SLC25A40: variants seen among roughly 807,000 people sequenced by gnomAD.
SLC25A40 encodes solute carrier family 25 member 40, also known as mitochondrial glutathione transporter SLC25A40.
A neutral mutation model predicts 46.5 loss-of-function variants in SLC25A40; 41 were observed. The ratio of observed to expected loss-of-function variants is 0.88; its 90% CI spans 0.69 to 1.14. The LOEUF (loss-of-function observed/expected upper bound fraction) is 1.14, where lower values mean the gene tolerates loss of function less well. SLC25A40 is among the 50% of genes most tolerant of loss of function. The pLI, the probability that SLC25A40 is intolerant of heterozygous loss-of-function variation, is 0.00. For synonymous variants in SLC25A40, 126 were observed against 127.5 expected, an observed-to-expected ratio of 0.99 and a Z score of 0.08; for missense variants, 386 against 393.6, an observed-to-expected ratio of 0.98 and a Z score of 0.16.
rs967662503 is a variant in SLC25A40 at position 87,835,299 on chromosome 7, G to A, written c.*950C>T. 4.6e-5 allele frequency: 7 copies of A among 151,562 alleles called. No individual in the cohort carries two copies. The Admixed American group carries it at 4.6e-4, about 10-fold the overall frequency. 9.4% of individuals were successfully genotyped at this position (151,562 alleles called of 1,614,324 possible). A position where few individuals can be genotyped will look rare whatever the true frequency, so the allele number is the denominator to read the frequency against. Reference sequence around the variant, plus strand: ...TTAGCCTCTTACTCTACCATACTTAGAGTAAAAATCAAAGGATATTTTAGA... The same window carrying A: ...TTAGCCTCTTACTCTACCATACTTAAAGTAAAAATCAAAGGATATTTTAGA... On this transcript the variant is annotated 3_prime_UTR_variant, in exon 12 of 12. Transcript: ENST00000341119.
chr7:87,866,097 AT>A (rs1190008612), intron 1 of SLC25A40, among the ~76,000 whole-genome samples: 4 of 151,632 alleles, frequency 2.6e-5, no homozygotes, highest in African/African-American at 9.7e-5. Context: ...AAAAAAAAAA[AT>A]GAATGAATAT....
intron 1 of SLC25A40, among the ~76,000 whole-genome samples, chr7:87,874,728 G>T (rs929743832): frequency 6.6e-6 from 1 of 152,178 alleles, no homozygotes; most frequent in African/African-American, 2.4e-5. Flanking sequence ...ACATCCCTGA[G>T]AAGTACTACC....
chr7:87,867,026 C>A (rs187688798), intron 1 of SLC25A40, among the ~76,000 whole-genome samples: 3 of 152,224 alleles, frequency 2.0e-5, no homozygotes, highest in African/African-American at 7.2e-5. Context: ...CCTTTGTCTC[C>A]GCCAGACTTG....
At chr7:87,851,146 A>G (rs924867320) in intron 5 of SLC25A40, among the ~76,000 whole-genome samples, 1 of 152,216 alleles carries the variant, frequency 6.6e-6, no homozygotes, top group African/African-American at 2.4e-5. Flanking sequence ...GAATGTCCAT[A>G]GAATTAATTA....
At chr7:87,843,163 TA>T (rs1396786832) in intron 9 of SLC25A40, among the ~76,000 whole-genome samples, 1 of 151,832 alleles carries the variant, frequency 6.6e-6, no homozygotes, top group Non-Finnish European at 1.5e-5. Context: ...TATGTGGGTA[TA>T]AAAAAAACTG....
chr7:87,874,106 T>C (rs776736192), intron 1 of SLC25A40, among the ~76,000 whole-genome samples: 1 of 152,224 alleles, frequency 6.6e-6, no homozygotes, highest in Non-Finnish European at 1.5e-5. Flanking sequence ...TAGGTTCCAG[T>C]AATATTTTAA....
At chr7:87,845,741 G>A (rs1489797524) in intron 8 of SLC25A40, among the ~76,000 whole-genome samples, 1 of 152,116 alleles carries the variant, frequency 6.6e-6, no homozygotes, top group Non-Finnish European at 1.5e-5. Context: ...ATAAATGAAT[G>A]CCAATGAAAC....
At chr7:87,864,289 A>G (rs1170841052) in intron 1 of SLC25A40, among the ~76,000 whole-genome samples, 1 of 152,256 alleles carries the variant, frequency 6.6e-6, no homozygotes, top group Non-Finnish European at 1.5e-5. Context: ...TATAATTTAT[A>G]AAGTCAAATC....
At chr7:87,849,158 A>G (rs1838468183) in intron 6 of SLC25A40, among the ~76,000 whole-genome samples, 2 of 152,144 alleles carry the variant, frequency 1.3e-5, no homozygotes, top group African/African-American at 4.8e-5. Flanking sequence ...AATAAACACC[A>G]AAGTCTTTAT....
intron 4 of SLC25A40, among the ~76,000 whole-genome samples, chr7:87,854,662 A>C (rs1838576091): frequency 6.6e-6 from 1 of 150,826 alleles, no homozygotes; most frequent in Non-Finnish European, 1.5e-5. Flanking sequence ...AATACAAAAA[A>C]TTAGCTGGGC....
In SLC25A40 at chr7:87,836,287, A is replaced by C; in HGVS notation, c.979T>G (p.Phe327Val). Residue 327 changes from phenylalanine to valine, a missense_variant, in exon 12 of 12, where the codon TTT becomes GTT. Phe to Val is a conservative substitution (Grantham distance 50). Transcript: ENST00000341119. The part of the protein sequence containing the change: ...MISTYEFGKA[F>V]FQKQNVRRQQ... ...CTTCGAACATTTTGTTTCTGGAAAAAAGCCTTTCCAAATTCATATGTACTG... is the reference window on the plus strand; with the variant it reads ...CTTCGAACATTTTGTTTCTGGAAAACAGCCTTTCCAAATTCATATGTACTG... 2 of 1,585,944 alleles carry C rather than the reference A, an allele frequency of 1.3e-6. No homozygotes were observed. The highest frequency in any genetic ancestry group is 1.7e-6 in the Non-Finnish European group (2 of 1,169,578).
chr7:87,864,252 G>A (rs1016075405), intron 1 of SLC25A40, among the ~76,000 whole-genome samples: 1 of 152,048 alleles, frequency 6.6e-6, no homozygotes. Flanking sequence ...CTATATTCAG[G>A]GTGGATGTGA....
intron 1 of SLC25A40, among the ~76,000 whole-genome samples, chr7:87,869,348 A>G (rs1393779559): frequency 6.6e-6 from 1 of 152,094 alleles, no homozygotes; most frequent in East Asian, 1.9e-4. Context: ...CAATGTGGTG[A>G]AACTCCATCT....
At chr7:87,853,252 A>C (rs1838547160) in intron 5 of SLC25A40, among the ~76,000 whole-genome samples, 1 of 152,212 alleles carries the variant, frequency 6.6e-6, no homozygotes, top group Admixed American at 6.5e-5. Context: ...CCACTAGGGA[A>C]ATGCAAATTA....
intron 10 of SLC25A40, among the ~76,000 whole-genome samples, chr7:87,837,653 T>G (rs1838275474): frequency 6.6e-6 from 1 of 151,236 alleles, no homozygotes; most frequent in African/African-American, 2.4e-5. Context: ...TTTGTTTATT[T>G]TCGTTTACAC....
intron 1 of SLC25A40, among the ~76,000 whole-genome samples, chr7:87,863,964 G>A (rs1053889837): frequency 1.3e-5 from 2 of 152,058 alleles, no homozygotes; most frequent in Non-Finnish European, 2.9e-5. Context: ...GTCTTTCTCT[G>A]TCCGGCTTAT....
At chr7:87,851,170 A>G (rs943069383) in intron 5 of SLC25A40, among the ~76,000 whole-genome samples, 5 of 151,918 alleles carry the variant, frequency 3.3e-5, no homozygotes, top group African/African-American at 1.2e-4. Context: ...CAAAAAGTAG[A>G]AACAACCCAA....
Position 87,849,942 on chromosome 7 carries a change from A to T in SLC25A40, c.271T>A (p.Phe91Ile), listed in dbSNP as rs1838483599. The T allele has an allele frequency of 3.1e-6, 5 of 1,596,144 alleles. No individual in the cohort carries two copies. The highest frequency in any genetic ancestry group is 4.3e-6 in the Non-Finnish European group (5 of 1,170,156). Residue 91 changes from phenylalanine (F) to isoleucine (I), a missense_variant, in exon 6 of 12, where the codon TTT (phenylalanine) becomes ATT (isoleucine). Physicochemically the swap from Phe to Ile is conservative, Grantham distance 21. Transcript: ENST00000341119. ...PGNFQGTLDA[F>I]FKIIRNEGIK... The stretch of plus-strand genomic sequence containing the variant: ...CCCTCATTTCGAATGATTTTAAAAA[A>T]TGCATCCTAAAGTTATAATAGAAAA...
chr7:87,841,632 C>A lies in SLC25A40; in HGVS notation c.823+1G>T. 6.8e-7 allele frequency: 1 copy of A among 1,471,748 alleles called. No individual in the cohort carries two copies. 91.2% of individuals were successfully genotyped at this position (1,471,748 alleles called of 1,614,324 possible). A position where few individuals can be genotyped will look rare whatever the true frequency, so the allele number is the denominator to read the frequency against. On this transcript the variant is annotated splice_donor_variant, in intron 10 of 11. Transcript: ENST00000341119. LOFTEE classifies it high-confidence loss of function. ...AAATATTTTAAATTAATTAAACTTA[C>A]TTTTATGACTTTCATATGTCCAAAG... is the stretch of plus-strand genomic sequence containing the variant.
Sources: allele counts gnomAD v4.1 joint callset (sites outside exome capture counted in the v4.1 genomes callset), GRCh38; gene constraint gnomAD v4.1.1; transcripts MANE v1.5; gene names NCBI Gene and HGNC (gene_info 2026-07-23, HGNC 2026-07-21).